AK5: variants seen among roughly 807,000 people sequenced by gnomAD.
The protein encoded by AK5 is adenylate kinase isoenzyme 5.
A neutral mutation model predicts 69.5 loss-of-function variants in AK5; 27 were observed. The observed-to-expected ratio is 0.39, with a 90% CI of 0.29 to 0.54. The LOEUF is 0.54. AK5 is among the 20% of genes least tolerant of loss of function. The pLI, the probability that AK5 is intolerant of heterozygous loss-of-function variation, is 0.71. For missense variants in AK5, 531 were observed against 700.4 expected (o/e 0.76, Z 2.73); for synonymous variants, 260 against 244.4 (o/e 1.06, Z -0.60).
At chr1:77,383,070 A>G (rs1647761470) in intron 6 of AK5, among the ~76,000 whole-genome samples, 1 of 152,244 alleles carries the variant, frequency 6.6e-6, no homozygotes, top group Non-Finnish European at 1.5e-5. Flanking sequence ...AACCATTATT[A>G]TGATAAATGT....
At chr1:77,532,806 G>A (rs1658723012) in intron 12 of AK5, among the ~76,000 whole-genome samples, 1 of 152,176 alleles carries the variant, frequency 6.6e-6, no homozygotes, top group Non-Finnish European at 1.5e-5. Flanking sequence ...GCAGGGTGAT[G>A]TTGGGGGCAG....
At chr1:77,368,556 A>G (rs926192295) in intron 6 of AK5, among the ~76,000 whole-genome samples, 3 of 151,712 alleles carry the variant, frequency 2.0e-5, no homozygotes, top group African/African-American at 7.3e-5. Flanking sequence ...TTCATATGCT[A>G]ATGATAAGCA....
At chr1:77,485,163 C>T (rs1655509979) in intron 9 of AK5, among the ~76,000 whole-genome samples, 1 of 152,164 alleles carries the variant, frequency 6.6e-6, no homozygotes, top group African/African-American at 2.4e-5. Context: ...TTTCCTGTCA[C>T]CATGGGTTAT....
intron 8 of AK5, among the ~76,000 whole-genome samples, chr1:77,418,921 G>A (rs1650613181): frequency 6.6e-6 from 1 of 152,058 alleles, no homozygotes; most frequent in Non-Finnish European, 1.5e-5. Context: ...AGCTACACAT[G>A]TTTATAGTAA....
chr1:77,386,316 A>G (rs1187694065), intron 6 of AK5, among the ~76,000 whole-genome samples: 1 of 152,194 alleles, frequency 6.6e-6, no homozygotes, highest in African/African-American at 2.4e-5. Flanking sequence ...AATAAGAGTA[A>G]CAGACTGACA....
chr1:77,475,403 ATATG>A (rs1318231324), intron 8 of AK5, among the ~76,000 whole-genome samples: 3 of 7,748 alleles, frequency 3.9e-4, no homozygotes, highest in Admixed American at 3.2e-3. Flanking sequence ...TATATAATAT[ATATG>A]TATATATATA....
At chr1:77,320,281 C>T (rs1338793211) in intron 5 of AK5, among the ~76,000 whole-genome samples, 1 of 152,024 alleles carries the variant, frequency 6.6e-6, no homozygotes, top group Non-Finnish European at 1.5e-5. Context: ...TTGGGAACTA[C>T]AATTCAAGAT....
Position 77,406,820 on chromosome 1 carries a change from A to G in AK5, c.892-4161A>G, listed in dbSNP as rs1276676664. On this transcript the variant is annotated intron_variant, in intron 6 of 13. Transcript: ENST00000354567. ...TGGAAAACTTCATAATTCACAAAACATGGGGAGAGGCTTTGCTCAACAGTG... is the reference window on the plus strand; with the variant it reads ...TGGAAAACTTCATAATTCACAAAACGTGGGGAGAGGCTTTGCTCAACAGTG... Among the ~76,000 whole-genome samples, 3 of 152,120 alleles carry G rather than the reference A, an allele frequency of 2.0e-5. No individual in the cohort carries two copies. In the East Asian group the frequency reaches 5.8e-4, roughly 29 times the overall value.
intron 6 of AK5, among the ~76,000 whole-genome samples, chr1:77,363,099 C>T (rs1170391272): frequency 3.3e-5 from 5 of 152,160 alleles, no homozygotes; most frequent in African/African-American, 1.2e-4. Context: ...CCATTGACAC[C>T]TCCACTTGGA....
intron 13 of AK5, among the ~76,000 whole-genome samples, chr1:77,558,135 G>A (rs1435997005): frequency 2.0e-5 from 3 of 152,288 alleles, no homozygotes; most frequent in Non-Finnish European, 4.4e-5. Context: ...TCCAAGTTTT[G>A]TCAATTATGC....
chr1:77,464,152 C>A (rs1654004072), intron 8 of AK5, among the ~76,000 whole-genome samples: 1 of 152,150 alleles, frequency 6.6e-6, no homozygotes, highest in South Asian at 2.1e-4. Context: ...TTCAGGCTTG[C>A]AGACAATTTG....
intron 8 of AK5, among the ~76,000 whole-genome samples, chr1:77,429,969 G>C (rs562407996): frequency 3.9e-5 from 6 of 152,106 alleles, no homozygotes; most frequent in Non-Finnish European, 8.8e-5. Context: ...GCAGGTTAGG[G>C]GTTTTGACTT....
chr1:77,408,674 T>C (rs7417258), intron 6 of AK5, among the ~76,000 whole-genome samples: 146,509 of 152,196 alleles, frequency 0.96, 70,755 homozygotes, highest in East Asian at 1. Context: ...AATCTGCATA[T>C]TTTAAATATG....
In AK5 at chr1:77,521,830, A is replaced by T; in HGVS notation, c.1315A>T (p.Ile439Phe). The T allele has an allele frequency of 6.2e-7, 1 of 1,612,250 alleles. No individual in the cohort carries two copies. The highest frequency in any genetic ancestry group is 1.3e-5 in the African/African-American group (1 of 74,910). Residue 439 changes from isoleucine to phenylalanine, a missense_variant, in exon 12 of 14, where the codon ATC becomes TTC. Transcript: ENST00000354567. ...GACCACTCTCGCTTTGCTCCAGGGCATCGTTTTGGAGCTCCTGAAGGAGGC... is the reference window on the plus strand; with the variant it reads ...GACCACTCTCGCTTTGCTCCAGGGCTTCGTTTTGGAGCTCCTGAAGGAGGC... ...MERGDLVPSG[I>F]VLELLKEAMV...
chr1:77,558,477 T>TTTG (rs1557673882), intron 13 of AK5, 125 bp from the exon 14 acceptor site: 17 of 515,648 alleles, frequency 3.3e-5, no homozygotes, highest in African/African-American at 2.5e-4. Flanking sequence ...CTCTGTGTTT[T>TTTG]GGGGGGGGTC....
At chr1:77,402,704 A>G (rs1033208640) in intron 6 of AK5, among the ~76,000 whole-genome samples, 3 of 151,168 alleles carry the variant, frequency 2.0e-5, no homozygotes, top group Middle Eastern at 3.4e-3. Context: ...ATTGTTGGAC[A>G]TTTGGGTTGG....
At chr1:77,417,847 G>A (rs1650534109) in intron 8 of AK5, 132 bp downstream of exon 8, 1 of 583,422 alleles carries the variant, frequency 1.7e-6, no homozygotes. Context: ...CATATTACAT[G>A]ATAAATTACA....
At position 77,293,778 on chromosome 1, in the gene AK5, C is replaced by T. The variant is rs1322303187; in HGVS notation, c.248-15C>T. 63 of 1,580,650 alleles carry T rather than the reference C, an allele frequency of 4.0e-5. No homozygotes were observed. The highest frequency in any genetic ancestry group is 6.8e-5 in the East Asian group (3 of 43,858). On this transcript the variant is annotated splice_polypyrimidine_tract_variant and intron_variant, in intron 2 of 13. Transcript: ENST00000354567. ...GGTGTTTTTTCCTTTTCAAAGTTAT[C>T]TTACTCTTTTGCAGTAATGCCTGAA...
intron 6 of AK5, among the ~76,000 whole-genome samples, chr1:77,349,758 AC>A (rs1340971399): frequency 2.0e-5 from 3 of 152,154 alleles, no homozygotes; most frequent in African/African-American, 7.2e-5. Flanking sequence ...CAATTGTTGG[AC>A]CTTGTATTTT....
Sources: gnomAD v4.1 joint callset for allele counts (sites outside exome capture counted in the v4.1 genomes callset) on GRCh38, gnomAD v4.1.1 for gene constraint, MANE v1.5 for transcripts, NCBI Gene and HGNC (gene_info 2026-07-23, HGNC 2026-07-21) for gene names.